The following SLC24A2 variants were observed in gnomAD, a reference collection of about 807,000 sequenced individuals.
The protein encoded by SLC24A2 is solute carrier family 24 member 2, also known as sodium/potassium/calcium exchanger 2.
A neutral mutation model predicts 62.0 loss-of-function variants in SLC24A2; 36 were observed. That is an observed-to-expected ratio of 0.58 (90% confidence interval 0.44 to 0.77). The LOEUF (loss-of-function observed/expected upper bound fraction) is 0.77. Among genes scored for constraint, SLC24A2 ranks in the 30% least tolerant of loss-of-function variants. The pLI, the probability that SLC24A2 is intolerant of heterozygous loss-of-function variation, is 0.00. For synonymous variants in SLC24A2, 358 were observed against 294.0 expected (o/e 1.22, Z -2.23); for missense variants, 846 against 817.9 (o/e 1.03, Z -0.42).
At chr9:19,686,627 G>C (rs1273434569) in intron 2 of SLC24A2, among the ~76,000 whole-genome samples, 1 of 151,974 alleles carries the variant, frequency 6.6e-6, no homozygotes, top group Non-Finnish European at 1.5e-5. Context: ...TTTTATAAGG[G>C]GCTTTCTTCC....
At chr9:20,234,875 T>C in the SLC24A2 span, among the ~76,000 whole-genome samples, 1 of 152,202 alleles carries the variant, frequency 6.6e-6, no homozygotes, top group Non-Finnish European at 1.5e-5. Flanking sequence ...CTTTGGTCTT[T>C]GATGATGGTG....
At chr9:19,625,694 T>C (rs1050187696) in intron 2 of SLC24A2, among the ~76,000 whole-genome samples, 5 of 150,918 alleles carry the variant, frequency 3.3e-5, no homozygotes, top group African/African-American at 9.7e-5. Flanking sequence ...TTCTTTTCTT[T>C]TTTTTTTTTG....
chr9:19,910,854 C>T, the SLC24A2 span, among the ~76,000 whole-genome samples: 1 of 150,982 alleles, frequency 6.6e-6, no homozygotes, highest in Non-Finnish European at 1.5e-5. Flanking sequence ...TTATAGCTCT[C>T]TGTTCTATCT....
At chr9:19,676,418 C>T (rs960425241) in intron 2 of SLC24A2, among the ~76,000 whole-genome samples, 5 of 152,194 alleles carry the variant, frequency 3.3e-5, no homozygotes, top group African/African-American at 7.2e-5. Context: ...CTCCCCATGC[C>T]GTTGCCAGAA....
At chr9:20,003,503 T>A in the SLC24A2 span, among the ~76,000 whole-genome samples, 8 of 152,184 alleles carry the variant, frequency 5.3e-5, no homozygotes, top group Non-Finnish European at 8.8e-5. Context: ...TCCTTTTTTT[T>A]TAAAGTATGA....
At chr9:19,553,269 G>A (rs574958229) in intron 7 of SLC24A2, among the ~76,000 whole-genome samples, 1 of 152,294 alleles carries the variant, frequency 6.6e-6, no homozygotes, top group African/African-American at 2.4e-5. Context: ...GATGCTCCAG[G>A]GGAGAGGCCA....
the SLC24A2 span, among the ~76,000 whole-genome samples, chr9:20,305,834 G>T: frequency 4.9e-4 from 74 of 152,256 alleles, no homozygotes; most frequent in South Asian, 2.1e-4. Context: ...CAACAGAAAT[G>T]TATTTCTCAC....
the SLC24A2 span, among the ~76,000 whole-genome samples, chr9:20,067,999 C>T: frequency 2.0e-5 from 3 of 151,110 alleles, no homozygotes; most frequent in East Asian, 3.9e-4. Flanking sequence ...TTCCCACCAA[C>T]AGTGCATAAG....
intron 2 of SLC24A2, among the ~76,000 whole-genome samples, chr9:19,784,141 T>A (rs1222889578): frequency 6.6e-6 from 1 of 152,124 alleles, no homozygotes; most frequent in Admixed American, 6.5e-5. Flanking sequence ...CCTAATTGAG[T>A]AGGTAAAGAT....
At chr9:19,797,041 T>C in the SLC24A2 span, among the ~76,000 whole-genome samples, 1 of 152,170 alleles carries the variant, frequency 6.6e-6, no homozygotes, top group African/African-American at 2.4e-5. Flanking sequence ...TTCATCAACT[T>C]TGTCATTTAA....
the SLC24A2 span, among the ~76,000 whole-genome samples, chr9:20,125,801 C>T: frequency 6.6e-6 from 1 of 152,186 alleles, no homozygotes; most frequent in East Asian, 1.9e-4. Flanking sequence ...AAGCTCCCTC[C>T]ATGGGTGTGT....
At chr9:20,048,382 A>G in the SLC24A2 span, among the ~76,000 whole-genome samples, 2 of 152,232 alleles carry the variant, frequency 1.3e-5, no homozygotes, top group Admixed American at 1.3e-4. Flanking sequence ...AGCACAGTAG[A>G]ACATATGTAT....
chr9:20,126,049 C>T, the SLC24A2 span, among the ~76,000 whole-genome samples: 4 of 152,180 alleles, frequency 2.6e-5, no homozygotes, highest in Non-Finnish European at 5.9e-5. Context: ...TGTGAGTGCT[C>T]ACCCGATTTT....
chr9:20,139,344 G>A, the SLC24A2 span, among the ~76,000 whole-genome samples: 4 of 152,096 alleles, frequency 2.6e-5, no homozygotes, highest in Non-Finnish European at 4.4e-5. Flanking sequence ...CTCAGTTTCC[G>A]CACCCATAAA....
chr9:19,998,812 T>C, the SLC24A2 span, among the ~76,000 whole-genome samples: 162 of 152,378 alleles, frequency 1.1e-3, 1 homozygote, highest in Non-Finnish European at 1.8e-3. Context: ...TTGATCTTTG[T>C]TGGTGGCAAG....
the SLC24A2 span, among the ~76,000 whole-genome samples, chr9:20,196,506 C>T: frequency 3.9e-5 from 6 of 152,096 alleles, no homozygotes; most frequent in Non-Finnish European, 5.9e-5. Flanking sequence ...ACTTTAAAAT[C>T]GGGATTTAGG....
intron 2 of SLC24A2, among the ~76,000 whole-genome samples, chr9:19,626,080 T>C (rs957085374): frequency 1.3e-5 from 2 of 152,208 alleles, no homozygotes; most frequent in African/African-American, 2.4e-5. Flanking sequence ...ATAAAATGCA[T>C]AGCCCATTTG....
the SLC24A2 span, among the ~76,000 whole-genome samples, chr9:20,014,090 C>A: frequency 6.6e-6 from 1 of 152,070 alleles, no homozygotes; most frequent in Non-Finnish European, 1.5e-5. Flanking sequence ...TGCCTATAGT[C>A]TCAGCTACTC....
At chr9:20,291,197 A>C in the SLC24A2 span, among the ~76,000 whole-genome samples, 9 of 152,342 alleles carry the variant, frequency 5.9e-5, no homozygotes, top group East Asian at 3.9e-4. Flanking sequence ...CAAGGCTAGC[A>C]ATATGGACGT....
Sources: allele counts gnomAD v4.1 joint callset (sites outside exome capture counted in the v4.1 genomes callset), GRCh38; gene constraint gnomAD v4.1.1; transcripts MANE v1.5; gene names NCBI Gene and HGNC (gene_info 2026-07-23, HGNC 2026-07-21).